Variants in CASK observed in about 807,000 individuals in gnomAD.
CASK encodes calcium/calmodulin dependent serine protein kinase, also known as peripheral plasma membrane protein CASK.
A neutral mutation model predicts 82.9 loss-of-function variants in CASK; 4 were observed. The observed-to-expected ratio is 0.05, with a 90% CI of 0.02 to 0.11. The LOEUF (loss-of-function observed/expected upper bound fraction) is 0.11. Ranked by LOEUF, CASK falls within the 10% of genes least tolerant of loss-of-function variation. The pLI is 1.00. For synonymous variants in CASK, 259 were observed against 253.5 expected, an observed-to-expected ratio of 1.02 and a Z score of -0.20; for missense variants, 358 against 720.9, an observed-to-expected ratio of 0.50 and a Z score of 5.76.
chrX:41,720,842 T>C (rs1399150181), intron 5 of CASK, among the ~76,000 whole-genome samples: 1 of 111,711 alleles, frequency 9.0e-6, no homozygotes, highest in Non-Finnish European at 1.9e-5. Flanking sequence ...GCCTGCCCTT[T>C]GATGATGGTA....
At chrX:41,729,851 A>T (rs1465030597) in intron 5 of CASK, 2 of 101,327 alleles carry the variant, frequency 2.0e-5, no homozygotes, top group Non-Finnish European at 4.2e-5. Flanking sequence ...AATCACCCCA[A>T]TTTTTTCTAA....
intron 16 of CASK, among the ~76,000 whole-genome samples, chrX:41,567,760 A>G (rs1048770814): frequency 9.8e-5 from 11 of 111,736 alleles, no homozygotes; most frequent in African/African-American, 3.3e-4. Context: ...AAGGATTATA[A>G]ATCATGCTAC....
intron 5 of CASK, chrX:41,729,787 T>C (rs1380492937): frequency 2.5e-5 from 2 of 80,135 alleles, no homozygotes; most frequent in African/African-American, 5.1e-5. Context: ...AAAAAATATA[T>C]ATATATATAT....
intron 4 of CASK, among the ~76,000 whole-genome samples, chrX:41,741,659 T>TGGAGACA (rs1474020599): frequency 1.8e-5 from 2 of 111,857 alleles, no homozygotes; most frequent in Non-Finnish European, 3.8e-5. Context: ...GCGGCGTGTG[T>TGGAGACA]GGAGACAGTG....
intron 15 of CASK, among the ~76,000 whole-genome samples, chrX:41,573,802 A>C (rs2065447541): frequency 8.9e-6 from 1 of 111,805 alleles, no homozygotes; most frequent in African/African-American, 3.3e-5. Context: ...TTGTTCTGAG[A>C]CTTAGATCAG....
At chrX:41,625,277 C>T (rs750371580) in intron 10 of CASK, among the ~76,000 whole-genome samples, 12 of 104,057 alleles carry the variant, frequency 1.2e-4, no homozygotes, top group African/African-American at 4.2e-4. Context: ...GCTCTGCCTG[C>T]CGGGTTCACG....
At chrX:41,624,217 G>A (rs757146696) in intron 10 of CASK, 5 of 339,805 alleles carry the variant, frequency 1.5e-5, no homozygotes, top group South Asian at 1.3e-4. Flanking sequence ...GCTAACAAAA[G>A]AAGTTACAGG....
In CASK at chrX:41,636,605, C is replaced by T; in HGVS notation, c.888G>A (p.Arg296=). 1 of 1,195,845 alleles carries T rather than the reference C, an allele frequency of 8.4e-7. No individual in the cohort carries two copies. ...IHLPETVEQL[R]KFNARRKLKG... is the part of the protein sequence containing the mutation. ...TTAGTTTCCTCCTTGCATTGAATTT[C>T]CTCAGCTGCTCTACTGTTTCTGGAA... The change falls in exon 9 of 27, where the codon AGG becomes AGA. Residue 296 remains arginine (R), a synonymous_variant. Transcript: ENST00000378163.
At chrX:41,901,075 G>A (rs2072370705) in intron 1 of CASK, among the ~76,000 whole-genome samples, 1 of 111,666 alleles carries the variant, frequency 9.0e-6, no homozygotes, top group Non-Finnish European at 1.9e-5. Context: ...ATTCATAGAT[G>A]TCCATTTCTT....
intron 1 of CASK, among the ~76,000 whole-genome samples, chrX:41,859,790 C>T (rs2071442648): frequency 9.0e-6 from 1 of 111,042 alleles, no homozygotes; most frequent in Non-Finnish European, 1.9e-5. Context: ...TATCTTTAAA[C>T]AGAAGCACAC....
intron 4 of CASK, among the ~76,000 whole-genome samples, chrX:41,740,773 A>G (rs2147722646): frequency 8.9e-6 from 1 of 112,829 alleles, no homozygotes; most frequent in Non-Finnish European, 1.9e-5. Flanking sequence ...TCATGTAATC[A>G]TTAGCTCTGA....
At chrX:41,625,942 C>CTTTT (rs748063155) in intron 10 of CASK, among the ~76,000 whole-genome samples, 1 of 40,365 alleles carries the variant, frequency 2.5e-5, no homozygotes, top group Non-Finnish European at 4.9e-5. Flanking sequence ...GCACGCCTGG[C>CTTTT]TTTTTTTTTT....
intron 2 of CASK, among the ~76,000 whole-genome samples, chrX:41,851,424 C>A (rs2071264733): frequency 8.9e-6 from 1 of 111,742 alleles, no homozygotes; most frequent in Non-Finnish European, 1.9e-5. Context: ...ATACTAAGTA[C>A]TTTCCCCTTT....
At chrX:41,774,623 A>G (rs1449046091) in intron 3 of CASK, among the ~76,000 whole-genome samples, 1 of 111,567 alleles carries the variant, frequency 9.0e-6, no homozygotes, top group Non-Finnish European at 1.9e-5. Flanking sequence ...CACGCTACCC[A>G]ACTTCAAACT....
rs2072823109 is a variant in CASK at position 41,923,380 on chromosome X, C to T, written c.-392G>A. 9.0e-6 allele frequency: 1 copy of T among 110,759 alleles called. No individual in the cohort carries two copies. Among genetic ancestry groups the T allele is most frequent in the Non-Finnish European group, 1.9e-5 (1 of 52,412 alleles). The allele number at this position is 110,759 out of a possible 1,213,427, so 9.1% of individuals were successfully genotyped here. On this transcript the variant is annotated 5_prime_UTR_variant, in exon 1 of 27. Coordinates refer to ENST00000378163, the MANE Select transcript of CASK (RefSeq NM_001367721.1). ...TCCCTCTGTCCGAGGCCGGCTCCGT[C>T]GCGTCGCGGAGCAGCTCGGGCTACA...
intron 2 of CASK, among the ~76,000 whole-genome samples, chrX:41,836,152 A>G (rs1259787912): frequency 8.9e-6 from 1 of 111,803 alleles, no homozygotes; most frequent in Non-Finnish European, 1.9e-5. Flanking sequence ...AAAAAAAGAT[A>G]TAAGGTCTAC....
rs748001047 is a variant in CASK at position 41,642,242 on chromosome X, A to G, written c.832-5581T>C. Among the ~76,000 whole-genome samples the G allele has an allele frequency of 2.4e-3, 269 of 111,712 alleles. 1 individual carries two copies. The highest frequency in any genetic ancestry group is 8.5e-3 in the African/African-American group (262 of 30,770). On this transcript the variant is annotated intron_variant, in intron 8 of 26. Transcript: ENST00000378163. ...TGTCTTTATAGCAGCATGATTTATA[A>G]TCCTTTGGTTATATACCCAGTAATG... is the stretch of plus-strand genomic sequence containing the variant.
In CASK at chrX:41,696,121, G is replaced by A. The variant is rs769217317; in HGVS notation, c.430-24591C>T. 16 of 1,204,310 alleles carry A rather than the reference G, an allele frequency of 1.3e-5. No individual in the cohort carries two copies. The East Asian group carries it at 1.5e-4, about 11-fold the overall frequency. On this transcript the variant is annotated intron_variant, in intron 5 of 26. Coordinates refer to ENST00000378163, the MANE Select transcript of CASK (RefSeq NM_001367721.1). ...AAAATTAATCGGTCTATACAGCAAC[G>A]GAAGGCAATAACAACCAAACAAAGT... is the stretch of plus-strand genomic sequence containing the variant.
At chrX:41,790,071 A>G in intron 2 of CASK, 1 of 248,036 alleles carries the variant, frequency 4.0e-6, no homozygotes, top group Non-Finnish European at 6.7e-6. Flanking sequence ...CTGGGATTAC[A>G]GGTGTGCACC....
Sources: allele counts gnomAD v4.1 joint callset (sites outside exome capture counted in the v4.1 genomes callset), GRCh38; gene constraint gnomAD v4.1.1; transcripts MANE v1.5; gene names NCBI Gene and HGNC (gene_info 2026-07-23, HGNC 2026-07-21).